Variants in CALN1 observed in about 807,000 individuals in gnomAD.
CALN1 encodes the protein calneuron 1, also known as calcium-binding protein 8.
Under a neutral mutation model 30.6 loss-of-function variants are expected in CALN1, and 17 were observed. That is an observed-to-expected ratio of 0.56 (90% confidence interval 0.38 to 0.83). CALN1 has a LOEUF of 0.83. Among genes scored for constraint, CALN1 ranks in the 40% least tolerant of loss-of-function variants. The pLI is 0.00. For missense variants in CALN1, 291 were observed against 354.9 expected, an observed-to-expected ratio of 0.82 and a Z score of 1.45; for synonymous variants, 156 against 131.4, an observed-to-expected ratio of 1.19 and a Z score of -1.28.
intron 3 of CALN1, among the ~76,000 whole-genome samples, chr7:72,238,721 ACG>A (rs1794642441): frequency 6.6e-6 from 1 of 152,176 alleles, no homozygotes; most frequent in Non-Finnish European, 1.5e-5. Flanking sequence ...TGCTGCCGCC[ACG>A]TGAAGAAGGG....
chr7:71,927,912 GC>G (rs549788601), intron 5 of CALN1, among the ~76,000 whole-genome samples: 90 of 152,276 alleles, frequency 5.9e-4, no homozygotes, highest in African/African-American at 2.2e-3. Context: ...ATCTTTAATG[GC>G]CTGGGTCAAA....
intron 4 of CALN1, among the ~76,000 whole-genome samples, chr7:72,053,426 A>G (rs1802967962): frequency 6.6e-6 from 1 of 152,208 alleles, no homozygotes; most frequent in Non-Finnish European, 1.5e-5. Flanking sequence ...GCACATACCC[A>G]GTAATGGGAG....
intron 2 of CALN1, among the ~76,000 whole-genome samples, chr7:72,378,578 G>T (rs934246634): frequency 4.6e-5 from 7 of 152,124 alleles, no homozygotes; most frequent in Non-Finnish European, 8.8e-5. Flanking sequence ...TTACCGGCAC[G>T]TAAGTCCTTT....
intron 2 of CALN1, among the ~76,000 whole-genome samples, chr7:72,331,901 G>A (rs1164808420): frequency 6.6e-6 from 1 of 152,084 alleles, no homozygotes; most frequent in Non-Finnish European, 1.5e-5. Context: ...GCATCCCCAT[G>A]GGTCCATATG....
chr7:72,179,345 T>C (rs1347284721), intron 3 of CALN1, among the ~76,000 whole-genome samples: 1 of 152,224 alleles, frequency 6.6e-6, no homozygotes, highest in Admixed American at 6.5e-5. Context: ...TTTTTGACTG[T>C]TCCCATCTTG....
At chr7:72,399,807 G>C (rs560184892) in intron 2 of CALN1, among the ~76,000 whole-genome samples, 1 of 152,184 alleles carries the variant, frequency 6.6e-6, no homozygotes, top group Non-Finnish European at 1.5e-5. Context: ...GTTGGAGATG[G>C]GGCCTAGTGG....
intron 5 of CALN1, among the ~76,000 whole-genome samples, chr7:72,020,559 C>T (rs570985536): frequency 1.3e-5 from 2 of 152,106 alleles, no homozygotes; most frequent in Non-Finnish European, 2.9e-5. Flanking sequence ...GCTTGCTAGT[C>T]GTAAAATTCT....
At chr7:71,937,916 C>T (rs1189296941) in intron 5 of CALN1, among the ~76,000 whole-genome samples, 3 of 152,194 alleles carry the variant, frequency 2.0e-5, no homozygotes, top group Admixed American at 1.3e-4. Context: ...ATCTGACTGC[C>T]CTTTTCCAGA....
intron 3 of CALN1, among the ~76,000 whole-genome samples, chr7:72,191,340 G>A (rs912934682): frequency 3.9e-5 from 6 of 152,092 alleles, no homozygotes; most frequent in Non-Finnish European, 8.8e-5. Flanking sequence ...GGTGGCTCAC[G>A]ACTGTAATTT....
At chr7:72,148,412 TAAAAAAAAG>T (rs139381476) in intron 3 of CALN1, among the ~76,000 whole-genome samples, 32,170 of 126,188 alleles carry the variant, frequency 0.25, 4,369 homozygotes, top group Non-Finnish European at 0.35. Context: ...TACAAAAAAG[TAAAAAAAAG>T]AAAAAAAAGA....
intron 5 of CALN1, among the ~76,000 whole-genome samples, chr7:71,839,070 A>G (rs541796783): frequency 6.6e-6 from 1 of 152,138 alleles, no homozygotes; most frequent in South Asian, 2.1e-4. Flanking sequence ...TTGACCTTCT[A>G]AAGTGCTGGG....
chr7:71,856,267 T>A (rs908931973), intron 5 of CALN1, among the ~76,000 whole-genome samples: 1 of 151,798 alleles, frequency 6.6e-6, no homozygotes, highest in Non-Finnish European at 1.5e-5. Flanking sequence ...CTGCAATCCT[T>A]CATTAATTTT....
At chr7:72,360,980 G>A (rs990703103) in intron 2 of CALN1, among the ~76,000 whole-genome samples, 1 of 151,888 alleles carries the variant, frequency 6.6e-6, no homozygotes, top group Non-Finnish European at 1.5e-5. Flanking sequence ...GCCTGCCTTG[G>A]GCTCCAAAAG....
upstream of CALN1, among the ~76,000 whole-genome samples, chr7:72,415,732 C>A (rs369987304): frequency 2.2e-4 from 34 of 152,252 alleles, no homozygotes; most frequent in African/African-American, 6.3e-4. Flanking sequence ...GAAGCCTGAG[C>A]GGTGACTAAG....
chr7:72,164,380 A>C (rs946435977), intron 3 of CALN1, among the ~76,000 whole-genome samples: 21 of 151,520 alleles, frequency 1.4e-4, no homozygotes, highest in Admixed American at 2.6e-4. Context: ...AAGAAGAAGA[A>C]GACAGAGACA....
intron 3 of CALN1, among the ~76,000 whole-genome samples, chr7:72,143,546 A>T (rs1168883181): frequency 6.6e-6 from 1 of 152,184 alleles, no homozygotes; most frequent in Non-Finnish European, 1.5e-5. Context: ...GTTGGAAAAC[A>T]CTCTGCAGGA....
chr7:72,308,374 AGAGAG>A (rs1562868263), intron 2 of CALN1, among the ~76,000 whole-genome samples: 1 of 7,394 alleles, frequency 1.4e-4, no homozygotes, highest in Admixed American at 1.8e-3. Flanking sequence ...TGGGGGGGGG[AGAGAG>A]AGAGAGAGAG....
intron 5 of CALN1, among the ~76,000 whole-genome samples, chr7:71,938,148 G>A (rs1795943116): frequency 6.6e-6 from 1 of 152,156 alleles, no homozygotes; most frequent in Non-Finnish European, 1.5e-5. Flanking sequence ...GATGGGGGCT[G>A]CATTCTTCCC....
At chr7:71,984,840 A>C (rs946639839) in intron 5 of CALN1, among the ~76,000 whole-genome samples, 1 of 152,194 alleles carries the variant, frequency 6.6e-6, no homozygotes, top group Admixed American at 6.5e-5. Flanking sequence ...TAGGAAATGA[A>C]CCATGGAGTT....
Sources: allele counts gnomAD v4.1 joint callset (sites outside exome capture counted in the v4.1 genomes callset), GRCh38; gene constraint gnomAD v4.1.1; transcripts MANE v1.5; gene names NCBI Gene and HGNC (gene_info 2026-07-23, HGNC 2026-07-21).